Variants in FHIT observed in about 807,000 individuals in gnomAD.
FHIT encodes the protein bis(5'-adenosyl)-triphosphatase.
FHIT carries 19 observed loss-of-function variants against 17.9 expected under a neutral mutation model. That is an observed-to-expected ratio of 1.06 (90% CI 0.74 to 1.56). The LOEUF (loss-of-function observed/expected upper bound fraction) is 1.56, where lower values mean the gene tolerates loss of function less well. Ranked by LOEUF, FHIT falls within the 40% of genes most tolerant of loss-of-function variation. The probability of loss-of-function intolerance (pLI) is 0.00; values close to 1 mark genes in which losing one functional copy is unlikely to be tolerated. For missense variants in FHIT, 248 were observed against 189.2 expected, an observed-to-expected ratio of 1.31 and a Z score of -1.82; for synonymous variants, 81 against 69.7, an observed-to-expected ratio of 1.16 and a Z score of -0.81.
At chr3:60,209,452 A>G (rs1028044283) in intron 5 of FHIT, among the ~76,000 whole-genome samples, 1 of 152,090 alleles carries the variant, frequency 6.6e-6, no homozygotes, top group African/African-American at 2.4e-5. Flanking sequence ...ACTCCTCTCA[A>G]TCTCTTCCTC....
chr3:61,209,150 T>C (rs961154378), intron 1 of FHIT, among the ~76,000 whole-genome samples: 2 of 151,538 alleles, frequency 1.3e-5, no homozygotes, highest in Non-Finnish European at 1.5e-5. Context: ...TGGCCCCCAC[T>C]CTCTTCTGGC....
chr3:60,438,243 T>C (rs564457947), intron 5 of FHIT, among the ~76,000 whole-genome samples: 17 of 152,112 alleles, frequency 1.1e-4, no homozygotes, highest in African/African-American at 3.6e-4. Flanking sequence ...CCTGTGCTGA[T>C]GATAATAGTG....
intron 5 of FHIT, among the ~76,000 whole-genome samples, chr3:60,187,919 G>A (rs1559711039): frequency 6.6e-6 from 1 of 151,822 alleles, no homozygotes; most frequent in Non-Finnish European, 1.5e-5. Flanking sequence ...ATTTATGTGG[G>A]GATTTTTATA....
At position 60,165,932 on chromosome 3, in the gene FHIT, C is replaced by T. The variant is rs890942009; in HGVS notation, c.104-151780G>A. Among the ~76,000 whole-genome samples, 6 of 151,862 alleles carry T rather than the reference C, an allele frequency of 4.0e-5. No individual in the cohort carries two copies. In the East Asian group the frequency reaches 7.7e-4, roughly 20 times the overall value. ...TTACAGCAACTTCTGTTTTTTTCAC[C>T]GGACATCTATGGCATTTTTTTATAC... On this transcript the variant is annotated intron_variant, in intron 5 of 9. Transcript: ENST00000492590.
chr3:60,273,704 T>A (rs1323890671), intron 5 of FHIT, among the ~76,000 whole-genome samples: 1 of 152,144 alleles, frequency 6.6e-6, no homozygotes, highest in African/African-American at 2.4e-5. Context: ...TGACAATAAA[T>A]AACCATTACA....
rs74826370 is a variant in FHIT at position 59,845,570 on chromosome 3, A to G, written c.348+76776T>C. 8.2e-3 allele frequency among the ~76,000 whole-genome samples: 1,252 copies of G among 152,128 alleles called. 20 individuals are homozygous for G. Among genetic ancestry groups the G allele is most frequent in the African/African-American group, 0.029 (1,185 of 41,522 alleles). ...AAGATTGTGTTATTCAATTTTCACA[A>G]ATTTTTGAATTTTTCAGTTTTCCTT... is the stretch of plus-strand genomic sequence containing the variant. On this transcript the variant is annotated intron_variant, in intron 8 of 9. Transcript: ENST00000492590.
chr3:60,456,077 G>C (rs1197931799), intron 5 of FHIT, among the ~76,000 whole-genome samples: 3 of 152,146 alleles, frequency 2.0e-5, no homozygotes, highest in African/African-American at 7.2e-5. Context: ...ATATCTGAAA[G>C]AGTTGGCATA....
intron 5 of FHIT, among the ~76,000 whole-genome samples, chr3:60,126,924 C>T (rs868826393): frequency 2.2e-4 from 34 of 152,280 alleles, no homozygotes; most frequent in Middle Eastern, 3.4e-3. Context: ...GGGAGGTGCG[C>T]GCTTCCGTAA....
chr3:61,141,404 A>G (rs1445105505), intron 2 of FHIT, among the ~76,000 whole-genome samples: 1 of 152,216 alleles, frequency 6.6e-6, no homozygotes, highest in Non-Finnish European at 1.5e-5. Flanking sequence ...CTTTCATTCA[A>G]CAGTCAGAAT....
At chr3:60,952,175 C>A (rs1450583827) in intron 3 of FHIT, among the ~76,000 whole-genome samples, 3 of 138,144 alleles carry the variant, frequency 2.2e-5, no homozygotes, top group African/African-American at 5.8e-5. Flanking sequence ...CCCCACCCCC[C>A]CCCCAAAAAA....
intron 4 of FHIT, among the ~76,000 whole-genome samples, chr3:60,715,607 T>G (rs2041661897): frequency 8.5e-6 from 1 of 117,492 alleles, no homozygotes; most frequent in Non-Finnish European, 1.6e-5. Context: ...AACATCACAC[T>G]CTGGGGACTG....
At chr3:61,226,441 C>T (rs1321104839) in intron 1 of FHIT, among the ~76,000 whole-genome samples, 1 of 152,128 alleles carries the variant, frequency 6.6e-6, no homozygotes, top group Non-Finnish European at 1.5e-5. Context: ...AAATATCCCT[C>T]TCTCCATATT....
chr3:60,707,536 C>A (rs1452845854), intron 4 of FHIT, among the ~76,000 whole-genome samples: 3 of 152,132 alleles, frequency 2.0e-5, no homozygotes, highest in Admixed American at 2.0e-4. Context: ...CTAGAACTGT[C>A]TTCCAGGAGA....
chr3:60,355,856 G>C (rs973965228), intron 5 of FHIT, among the ~76,000 whole-genome samples: 3 of 152,056 alleles, frequency 2.0e-5, no homozygotes, highest in Admixed American at 2.0e-4. Context: ...TTAGAGAGTA[G>C]GTAATGACAT....
chr3:60,816,703 T>A (rs147631570), intron 4 of FHIT, among the ~76,000 whole-genome samples: 1 of 151,960 alleles, frequency 6.6e-6, no homozygotes, highest in Non-Finnish European at 1.5e-5. Context: ...TTCTTTTTTT[T>A]TTATTGTGTG....
intron 7 of FHIT, among the ~76,000 whole-genome samples, chr3:60,007,331 G>A (rs963377973): frequency 1.3e-5 from 2 of 152,136 alleles, no homozygotes; most frequent in East Asian, 1.9e-4. Flanking sequence ...TTTAGTCTTC[G>A]TTAGTAACAC....
chr3:60,274,658 A>G (rs1707035504), intron 5 of FHIT, among the ~76,000 whole-genome samples: 1 of 152,196 alleles, frequency 6.6e-6, no homozygotes, highest in Non-Finnish European at 1.5e-5. Flanking sequence ...AGCTTTTTTC[A>G]AAAATTTGAG....
In FHIT at chr3:60,861,226, TATGATATATCATATCATATATG is replaced by T. The variant is rs1559781974; in HGVS notation, c.-110-39237_-110-39216del. On this transcript the variant is annotated intron_variant, in intron 3 of 9. Coordinates refer to ENST00000492590, the MANE Select transcript of FHIT (RefSeq NM_002012.4). ...TGATATATATGATATATATGATATA[TATGATATATCATATCATATATG>T]ATACATATGATATATCATATCATAT... 4.2e-4 allele frequency among the ~76,000 whole-genome samples: 19 copies of T among 44,976 alleles called. 1 individual carries two copies. In the East Asian group the frequency reaches 8.8e-3, roughly 21 times the overall value. 29.5% of individuals were successfully genotyped at this position (44,976 alleles called of 152,430 possible). A position where few individuals can be genotyped will look rare whatever the true frequency, so the allele number is the denominator to read the frequency against.
intron 5 of FHIT, among the ~76,000 whole-genome samples, chr3:60,143,492 T>G (rs1576193236): frequency 1.3e-5 from 2 of 152,114 alleles, no homozygotes; most frequent in Non-Finnish European, 2.9e-5. Flanking sequence ...CAAAGCAGTA[T>G]GGAGCAGAGC....
Sources: allele counts gnomAD v4.1 joint callset (sites outside exome capture counted in the v4.1 genomes callset), GRCh38; gene constraint gnomAD v4.1.1; transcripts MANE v1.5; gene names NCBI Gene and HGNC (gene_info 2026-07-23, HGNC 2026-07-21).